The following ANGPT1 variants were observed in gnomAD, a reference collection of about 807,000 sequenced individuals.
The protein encoded by ANGPT1 is angiopoietin 1, also known as angiopoietin-1.
ANGPT1 carries 17 observed loss-of-function variants against 62.2 expected under a neutral mutation model. The observed-to-expected ratio is 0.27, with a 90% CI of 0.19 to 0.41. The LOEUF is 0.41. ANGPT1 is among the 10% of genes least tolerant of loss of function. The probability of loss-of-function intolerance (pLI) is 1.00; values close to 1 mark genes in which losing one functional copy is unlikely to be tolerated. For synonymous variants in ANGPT1, 199 were observed against 198.9 expected (o/e 1.00, Z 0.00); for missense variants, 478 against 594.9 (o/e 0.80, Z 2.04).
chr8:107,270,252 G>T (rs1813707339), intron 7 of ANGPT1, among the ~76,000 whole-genome samples: 1 of 152,114 alleles, frequency 6.6e-6, no homozygotes, highest in Admixed American at 6.6e-5. Context: ...AGTGGGAGTT[G>T]TTTGTATGAC....
intron 1 of ANGPT1, among the ~76,000 whole-genome samples, chr8:107,409,348 C>A (rs764206823): frequency 5.9e-5 from 9 of 152,150 alleles, no homozygotes; most frequent in Non-Finnish European, 1.2e-4. Context: ...TTTCTTACTG[C>A]AGCTTGTCTG....
chr8:107,403,158 TA>T (rs1190124085), intron 1 of ANGPT1, among the ~76,000 whole-genome samples: 1 of 152,172 alleles, frequency 6.6e-6, no homozygotes, highest in Non-Finnish European at 1.5e-5. Context: ...ATGATTGACA[TA>T]GTTTTTTTCT....
At chr8:107,323,952 T>C (rs1815217713) in intron 3 of ANGPT1, among the ~76,000 whole-genome samples, 1 of 151,852 alleles carries the variant, frequency 6.6e-6, no homozygotes, top group Non-Finnish European at 1.5e-5. Context: ...GCTAATTTTT[T>C]GTATTTTTAG....
chr8:107,305,391 A>C (rs1157360526), intron 4 of ANGPT1, among the ~76,000 whole-genome samples: 4 of 151,912 alleles, frequency 2.6e-5, no homozygotes, highest in Non-Finnish European at 4.4e-5. Flanking sequence ...TGTATGGAGA[A>C]CACATTCCCT....
At chr8:107,457,866 A>C (rs3036573) in intron 1 of ANGPT1, among the ~76,000 whole-genome samples, 49,286 of 115,860 alleles carry the variant, frequency 0.43, 9,774 homozygotes, top group East Asian at 0.6. Flanking sequence ...ACACACACAC[A>C]CCAAGAGGGG....
intron 8 of ANGPT1, among the ~76,000 whole-genome samples, chr8:107,253,280 G>C (rs750947902): frequency 2.6e-5 from 4 of 152,156 alleles, no homozygotes; most frequent in Admixed American, 6.5e-5. Flanking sequence ...AAAGGTTCTT[G>C]TTTGGAAAAG....
chr8:107,316,766 G>A (rs1233011920), intron 4 of ANGPT1, among the ~76,000 whole-genome samples: 1 of 151,976 alleles, frequency 6.6e-6, no homozygotes, highest in Non-Finnish European at 1.5e-5. Flanking sequence ...CATGACTTCT[G>A]GAAAATAAAC....
At chr8:107,355,939 C>T (rs1308257842) in intron 1 of ANGPT1, among the ~76,000 whole-genome samples, 1 of 152,176 alleles carries the variant, frequency 6.6e-6, no homozygotes, top group Non-Finnish European at 1.5e-5. Context: ...CTTGGTACCA[C>T]TTCCTTTCAC....
intron 1 of ANGPT1, among the ~76,000 whole-genome samples, chr8:107,487,591 G>T (rs563786286): frequency 3.3e-5 from 5 of 152,010 alleles, no homozygotes; most frequent in Non-Finnish European, 7.4e-5. Flanking sequence ...GAGAGCTAAA[G>T]AAATTGATGG....
intron 1 of ANGPT1, among the ~76,000 whole-genome samples, chr8:107,392,361 A>G (rs1363263008): frequency 6.6e-6 from 1 of 152,178 alleles, no homozygotes; most frequent in East Asian, 1.9e-4. Flanking sequence ...ACTAGCTGTT[A>G]CTTATCTAAA....
chr8:107,281,790 G>A (rs7845763), intron 7 of ANGPT1, among the ~76,000 whole-genome samples: 59,243 of 151,870 alleles, frequency 0.39, 11,868 homozygotes, highest in Middle Eastern at 0.45. Flanking sequence ...AAAAAACAAT[G>A]TGTCTAATAA....
chr8:107,349,207 CAG>C (rs1815880769), intron 1 of ANGPT1, among the ~76,000 whole-genome samples: 1 of 151,982 alleles, frequency 6.6e-6, no homozygotes, highest in African/African-American at 2.4e-5. Flanking sequence ...TAGATAGACA[CAG>C]AGTCAGGTGA....
chr8:107,367,847 C>T (rs370747562), intron 1 of ANGPT1, among the ~76,000 whole-genome samples: 4 of 152,202 alleles, frequency 2.6e-5, no homozygotes, highest in East Asian at 1.9e-4. Context: ...TCAAGCTCCA[C>T]TTCTAATTCT....
intron 3 of ANGPT1, among the ~76,000 whole-genome samples, chr8:107,331,918 C>G (rs1464066975): frequency 6.6e-6 from 1 of 152,004 alleles, no homozygotes; most frequent in Non-Finnish European, 1.5e-5. Flanking sequence ...TCCTGTATAC[C>G]CTGGTGAGAC....
Position 107,250,109 on chromosome 8 carries a change from T to C in ANGPT1, c.*1746A>G, listed in dbSNP as rs2129969718. The stretch of plus-strand genomic sequence containing the variant: ...TATTTTCTCAAATGGAGGAAACCAT[T>C]AAGGCATAGTGGATCAAGTCACCAA... On this transcript the variant is annotated 3_prime_UTR_variant, in exon 9 of 9. Coordinates refer to ENST00000517746, the MANE Select transcript of ANGPT1 (RefSeq NM_001146.5). The C allele has an allele frequency of 6.6e-6, 1 of 152,538 alleles. No homozygotes were observed. The highest frequency in any genetic ancestry group is 6.5e-5 in the Admixed American group (1 of 15,304). 9.4% of individuals were successfully genotyped at this position (152,538 alleles called of 1,614,324 possible).
At chr8:107,374,996 C>T (rs111434909) in intron 1 of ANGPT1, among the ~76,000 whole-genome samples, 25,576 of 152,004 alleles carry the variant, frequency 0.17, 2,557 homozygotes, top group Admixed American at 0.23. Flanking sequence ...CCTGTCTCTA[C>T]TAAAAATACA....
chr8:107,362,839 C>T (rs1324252589), intron 1 of ANGPT1, among the ~76,000 whole-genome samples: 1 of 152,056 alleles, frequency 6.6e-6, no homozygotes, highest in Non-Finnish European at 1.5e-5. Flanking sequence ...TCCCAGAAGA[C>T]ATACAGTTAC....
intron 1 of ANGPT1, among the ~76,000 whole-genome samples, chr8:107,483,387 G>T (rs969708025): frequency 1.3e-5 from 2 of 152,076 alleles, no homozygotes; most frequent in African/African-American, 4.8e-5. Flanking sequence ...GTTTTCCACT[G>T]CTATTGTCAG....
intron 1 of ANGPT1, among the ~76,000 whole-genome samples, chr8:107,493,961 T>G (rs1813030276): frequency 6.6e-6 from 1 of 150,536 alleles, no homozygotes; most frequent in Non-Finnish European, 1.5e-5. Context: ...AACAGCTAAA[T>G]AGTCCAGTAA....
Sources: gnomAD v4.1 joint callset for allele counts (sites outside exome capture counted in the v4.1 genomes callset) on GRCh38, gnomAD v4.1.1 for gene constraint, MANE v1.5 for transcripts, NCBI Gene and HGNC (gene_info 2026-07-23, HGNC 2026-07-21) for gene names.